DOCK1: variants seen among roughly 807,000 people sequenced by gnomAD.
The protein encoded by DOCK1 is dedicator of cytokinesis 1, also known as dedicator of cytokinesis protein 1.
In DOCK1, 138 loss-of-function variants were observed where a neutral mutation model predicts 262.7. The observed-to-expected ratio is 0.53, with a 90% confidence interval of 0.46 to 0.61. The LOEUF (loss-of-function observed/expected upper bound fraction) is 0.61. Ranked by LOEUF, DOCK1 falls within the 20% of genes least tolerant of loss-of-function variation. The pLI, the probability that DOCK1 is intolerant of heterozygous loss-of-function variation, is 0.00. For synonymous variants in DOCK1, 866 were observed against 867.4 expected (o/e 1.00, Z 0.03); for missense variants, 1,908 against 2,370.7 (o/e 0.80, Z 4.05).
chr10:127,345,061 C>T (rs2063572494), intron 31 of DOCK1, among the ~76,000 whole-genome samples: 1 of 152,152 alleles, frequency 6.6e-6, no homozygotes, highest in African/African-American at 2.4e-5. Flanking sequence ...AGACTAGTAA[C>T]AGTAGGCTAT....
At chr10:127,424,139 A>T (rs764275426) in intron 46 of DOCK1, among the ~76,000 whole-genome samples, 5 of 152,154 alleles carry the variant, frequency 3.3e-5, no homozygotes, top group Non-Finnish European at 7.4e-5. Flanking sequence ...ATCTTCTTTC[A>T]TTTAGAATCA....
chr10:126,944,892 G>A (rs921472706), intron 1 of DOCK1, among the ~76,000 whole-genome samples: 3 of 152,188 alleles, frequency 2.0e-5, no homozygotes, highest in Admixed American at 6.5e-5. Flanking sequence ...AGGCTGGAGT[G>A]CAGTGGCAGA....
intron 1 of DOCK1, among the ~76,000 whole-genome samples, chr10:126,911,473 C>G (rs747128755): frequency 2.0e-5 from 3 of 152,194 alleles, no homozygotes; most frequent in African/African-American, 7.2e-5. Flanking sequence ...GGCACATGCA[C>G]CAGTGTGGAG....
Position 127,038,983 on chromosome 10 carries a change from T to C in DOCK1, c.2010+1167T>C, listed in dbSNP as rs2135595030. On this transcript the variant is annotated intron_variant, in intron 19 of 51. Transcript: ENST00000623213. ...TAAGCATAGACTCTCCAGCAAGGTC[T>C]GTGTGTTGCCGCCTCAGTTCCTCAC... is the stretch of plus-strand genomic sequence containing the variant. Among the ~76,000 whole-genome samples the C allele has an allele frequency of 3.9e-5, 6 of 152,284 alleles. 2 individuals are homozygous for C. The highest frequency in any genetic ancestry group is 3.9e-4 in the Admixed American group (6 of 15,300).
chr10:127,436,465 G>T (rs527342544), intron 48 of DOCK1, among the ~76,000 whole-genome samples: 1 of 152,252 alleles, frequency 6.6e-6, no homozygotes, highest in African/African-American at 2.4e-5. Context: ...GCTGTAGTGA[G>T]CCATGATTGA....
chr10:127,042,468 T>G (rs1322791141), intron 19 of DOCK1, among the ~76,000 whole-genome samples, 157 bp from the exon 20 acceptor site: 3 of 152,126 alleles, frequency 2.0e-5, no homozygotes, highest in Non-Finnish European at 4.4e-5. Context: ...AATTTTTGTC[T>G]TGTGTATCTA....
intron 27 of DOCK1, among the ~76,000 whole-genome samples, chr10:127,187,338 C>T (rs754205852): frequency 7.2e-5 from 11 of 152,108 alleles, no homozygotes; most frequent in African/African-American, 2.4e-4. Context: ...AAGTTAGCAT[C>T]GTAGTGAGTA....
intron 29 of DOCK1, among the ~76,000 whole-genome samples, chr10:127,292,468 G>A (rs568267428): frequency 2.8e-4 from 43 of 152,270 alleles, no homozygotes; most frequent in Middle Eastern, 3.4e-3. Context: ...CTGTTTACAA[G>A]GGAGATGGGC....
chr10:127,421,106 A>T (rs982027461), intron 46 of DOCK1, among the ~76,000 whole-genome samples: 2 of 151,758 alleles, frequency 1.3e-5, no homozygotes, highest in African/African-American at 4.8e-5. Context: ...TGTAATGGAG[A>T]TGGGGTTTTG....
intron 33 of DOCK1, among the ~76,000 whole-genome samples, chr10:127,368,320 C>G (rs1324484568): frequency 6.6e-6 from 1 of 152,220 alleles, no homozygotes; most frequent in Non-Finnish European, 1.5e-5. Context: ...TCTTCCAGCA[C>G]TTTCTATGAA....
chr10:126,951,892 C>T (rs1227931438), intron 1 of DOCK1, among the ~76,000 whole-genome samples: 1 of 149,752 alleles, frequency 6.7e-6, no homozygotes, highest in Admixed American at 6.7e-5. Context: ...TATTGTCACC[C>T]AGGCTGGAGT....
intron 29 of DOCK1, among the ~76,000 whole-genome samples, chr10:127,274,102 A>G (rs1287885997): frequency 1.3e-5 from 2 of 152,144 alleles, no homozygotes; most frequent in Non-Finnish European, 2.9e-5. Flanking sequence ...CATGTCTGCC[A>G]TGGACTGTGA....
At chr10:127,362,024 T>C (rs1202237118) in intron 32 of DOCK1, 40 bp from the exon 33 acceptor site, 1 of 1,554,888 alleles carries the variant, frequency 6.4e-7, no homozygotes, top group Non-Finnish European at 8.7e-7. Flanking sequence ...TAGAATTCTA[T>C]TTTTCTTTAT....
chr10:127,443,862 G>A (rs1393128861), intron 49 of DOCK1, among the ~76,000 whole-genome samples: 2 of 152,064 alleles, frequency 1.3e-5, no homozygotes, highest in African/African-American at 4.8e-5. Flanking sequence ...TAGCATGTGT[G>A]TTTTGGGGGG....
At chr10:127,191,020 A>G (rs1254428021) in intron 27 of DOCK1, among the ~76,000 whole-genome samples, 1 of 152,024 alleles carries the variant, frequency 6.6e-6, no homozygotes, top group Admixed American at 6.6e-5. Context: ...ACTCCAGACT[A>G]TGCCTCCACT....
chr10:126,977,982 T>C lies in DOCK1; in HGVS notation c.165T>C (p.Ser55=), dbSNP rs201822309. The C allele has an allele frequency of 1.1e-4, 178 of 1,613,974 alleles. No homozygotes were observed. In the African/African-American group the frequency reaches 2.1e-3, roughly 19 times the overall value. ...GAGGTTACACGTTACGAAAAAAGTC[T>C]AAGAAGGTAAGTCCTTCTTCTTAAA... is the stretch of plus-strand genomic sequence containing the variant. The part of the protein sequence containing the change: ...WYRGYTLRKK[S]KKGIFPASYI... Residue 55 remains serine, a synonymous_variant, in exon 3 of 52, where the codon TCT becomes TCC. Coordinates refer to ENST00000623213, the MANE Select transcript of DOCK1 (RefSeq NM_001290223.2).
intron 27 of DOCK1, among the ~76,000 whole-genome samples, chr10:127,201,075 G>T (rs927832597): frequency 2.0e-5 from 3 of 152,176 alleles, no homozygotes; most frequent in Admixed American, 1.3e-4. Flanking sequence ...TATCGCCTTC[G>T]ACCTGTAGGG....
rs1037901529 is a variant in DOCK1 at position 127,451,627 on chromosome 10, G to A, written c.*200G>A. 2.3e-5 allele frequency: 29 copies of A among 1,288,260 alleles called. No homozygotes were observed. Among genetic ancestry groups the A allele is most frequent in the Non-Finnish European group, 3.0e-5 (29 of 967,418 alleles). The allele number at this position is 1,288,260 out of a possible 1,614,324, so 79.8% of individuals were successfully genotyped here. On this transcript the variant is annotated 3_prime_UTR_variant, in exon 52 of 52. Transcript: ENST00000623213. Reference sequence around the variant, plus strand: ...TCATGGAGCAAGGTGGGTCTGGGAGGTAGATATGGGTCCGGGATGTGCTAT... The same window carrying A: ...TCATGGAGCAAGGTGGGTCTGGGAGATAGATATGGGTCCGGGATGTGCTAT...
Position 127,188,210 on chromosome 10 carries a change from T to C in DOCK1, c.2848-59798T>C, listed in dbSNP as rs1320655811. Among the ~76,000 whole-genome samples the C allele has an allele frequency of 2.6e-5, 4 of 152,132 alleles. No homozygotes were observed. The East Asian group carries it at 7.7e-4, about 29-fold the overall frequency. ...GCCCTGGCCTGGCTGGGCTGTGCTG[T>C]GCACAAACAGATGGGGTGGATTCAT... On this transcript the variant is annotated intron_variant, in intron 27 of 51. Transcript: ENST00000623213.
Sources: allele counts gnomAD v4.1 joint callset (sites outside exome capture counted in the v4.1 genomes callset), GRCh38; gene constraint gnomAD v4.1.1; transcripts MANE v1.5; gene names NCBI Gene and HGNC (gene_info 2026-07-23, HGNC 2026-07-21).